NCKAP5: variants seen among roughly 807,000 people sequenced by gnomAD.
The protein encoded by NCKAP5 is NCK associated protein 5.
In NCKAP5, 92 loss-of-function variants were observed where a neutral mutation model predicts 167.0. That is an observed-to-expected ratio of 0.55 (90% CI 0.47 to 0.66). NCKAP5 has a LOEUF of 0.66. Among genes scored for constraint, NCKAP5 ranks in the 30% least tolerant of loss-of-function variants. NCKAP5 has a pLI of 0.00. For missense variants in NCKAP5, 2,378 were observed against 2,315.0 expected, an observed-to-expected ratio of 1.03 and a Z score of -0.56; for synonymous variants, 891 against 877.4, an observed-to-expected ratio of 1.02 and a Z score of -0.27.
At chr2:133,275,918 A>G (rs1382899375) in intron 4 of NCKAP5, among the ~76,000 whole-genome samples, 1 of 152,018 alleles carries the variant, frequency 6.6e-6, no homozygotes, top group African/African-American at 2.4e-5. Context: ...TGAGCTGTGC[A>G]GATCTACTTA....
chr2:133,620,179 G>GA, the NCKAP5 span, among the ~76,000 whole-genome samples: 148,361 of 150,470 alleles, frequency 0.99, 73,177 homozygotes, highest in South Asian at 1. Flanking sequence ...ATAACACAAT[G>GA]AAAAAAAAAG....
chr2:133,205,334 AAGAT>A (rs974214190), intron 5 of NCKAP5, among the ~76,000 whole-genome samples: 5 of 96,204 alleles, frequency 5.2e-5, no homozygotes, highest in South Asian at 3.0e-4. Context: ...CAGATAGATA[AAGAT>A]AGATAGACAG....
intron 5 of NCKAP5, among the ~76,000 whole-genome samples, chr2:133,190,714 C>T (rs1463522672): frequency 6.6e-6 from 1 of 152,090 alleles, no homozygotes; most frequent in African/African-American, 2.4e-5. Flanking sequence ...AACTGGCTAG[C>T]CATATGGAGA....
intron 16 of NCKAP5, among the ~76,000 whole-genome samples, chr2:132,765,520 G>A (rs1314082862): frequency 1.3e-5 from 2 of 151,720 alleles, no homozygotes; most frequent in Admixed American, 6.6e-5. Flanking sequence ...TCATCATGTT[G>A]GCCAGGATGG....
chr2:132,896,423 A>T (rs1693215008), intron 8 of NCKAP5, among the ~76,000 whole-genome samples: 1 of 152,146 alleles, frequency 6.6e-6, no homozygotes, highest in African/African-American at 2.4e-5. Flanking sequence ...AGCTTTTAAA[A>T]TTTCCTCCGT....
At chr2:133,460,541 G>A (rs904293517) in intron 3 of NCKAP5, among the ~76,000 whole-genome samples, 1 of 152,088 alleles carries the variant, frequency 6.6e-6, no homozygotes, top group African/African-American at 2.4e-5. Context: ...ACACTTCTGA[G>A]AATAGAATAA....
rs140004602 is a variant in NCKAP5 at position 132,789,609 on chromosome 2, G to A, written c.1092+414C>T. On this transcript the variant is annotated intron_variant, in intron 13 of 19. Coordinates refer to ENST00000409261, the MANE Select transcript of NCKAP5 (RefSeq NM_207363.3). Reference sequence around the variant, plus strand: ...TTCCTTTTCTCCAACATTAGGGAATGGATAAAACAGCTATTTCAAATATTT... The same window carrying A: ...TTCCTTTTCTCCAACATTAGGGAATAGATAAAACAGCTATTTCAAATATTT... 2.7e-4 allele frequency among the ~76,000 whole-genome samples: 41 copies of A among 152,274 alleles called. 1 individual carries two copies. In the East Asian group the frequency reaches 7.7e-3, roughly 29 times the overall value.
chr2:133,658,281 A>G, the NCKAP5 span, among the ~76,000 whole-genome samples: 542 of 152,260 alleles, frequency 3.6e-3, 6 homozygotes, highest in African/African-American at 0.013. Flanking sequence ...ATCCTCACCA[A>G]TTTGAAAATA....
intron 5 of NCKAP5, among the ~76,000 whole-genome samples, chr2:133,160,446 T>A (rs1366162705): frequency 6.6e-6 from 1 of 150,828 alleles, no homozygotes; most frequent in Non-Finnish European, 1.5e-5. Context: ...TTTCTTTTTT[T>A]TTTTTTTAGC....
chr2:133,171,310 C>T (rs758021831), intron 5 of NCKAP5, among the ~76,000 whole-genome samples: 6 of 152,130 alleles, frequency 3.9e-5, no homozygotes, highest in Non-Finnish European at 2.9e-5. Context: ...AGAAATGTGA[C>T]CCCCAACTGA....
intron 16 of NCKAP5, among the ~76,000 whole-genome samples, chr2:132,757,966 G>T (rs1680687917): frequency 6.6e-6 from 1 of 152,122 alleles, no homozygotes; most frequent in Non-Finnish European, 1.5e-5. Flanking sequence ...CTCATGAAGA[G>T]GCATGAAGAG....
At chr2:133,089,150 A>G (rs1050583281) in intron 6 of NCKAP5, among the ~76,000 whole-genome samples, 12 of 152,198 alleles carry the variant, frequency 7.9e-5, no homozygotes, top group African/African-American at 2.2e-4. Context: ...AGTGATAAAT[A>G]TCATAGAAAA....
intron 8 of NCKAP5, among the ~76,000 whole-genome samples, chr2:132,896,585 G>A (rs1288240996): frequency 1.3e-5 from 2 of 152,110 alleles, no homozygotes; most frequent in African/African-American, 4.8e-5. Flanking sequence ...CTCAGCTCAG[G>A]TGCAATAATA....
chr2:132,723,032 G>A (rs1311057620), intron 19 of NCKAP5, among the ~76,000 whole-genome samples: 7 of 151,748 alleles, frequency 4.6e-5, no homozygotes, highest in Non-Finnish European at 1.5e-5. Context: ...TCACTATGTT[G>A]CCCATGCTGG....
intron 3 of NCKAP5, among the ~76,000 whole-genome samples, chr2:133,397,613 C>T (rs957112741): frequency 6.6e-6 from 1 of 152,156 alleles, no homozygotes. Context: ...GCGGATTAAG[C>T]AATAAAGTGC....
At chr2:133,658,938 A>C in the NCKAP5 span, among the ~76,000 whole-genome samples, 1 of 152,054 alleles carries the variant, frequency 6.6e-6, no homozygotes, top group South Asian at 2.1e-4. Context: ...CTTTTAAAAA[A>C]TAAGAACTAT....
chr2:132,744,112 AATT>A (rs1679439850), intron 16 of NCKAP5, among the ~76,000 whole-genome samples: 1 of 151,770 alleles, frequency 6.6e-6, no homozygotes, highest in South Asian at 2.1e-4. Flanking sequence ...TTCTCTCAGT[AATT>A]AATACAACAA....
At chr2:132,952,515 A>G (rs2076218926) in intron 8 of NCKAP5, among the ~76,000 whole-genome samples, 2 of 152,180 alleles carry the variant, frequency 1.3e-5, no homozygotes, top group South Asian at 4.1e-4. Context: ...GCAGTTGGTC[A>G]TAACTGATAA....
At chr2:132,913,624 T>C (rs75983540) in intron 8 of NCKAP5, among the ~76,000 whole-genome samples, 6,584 of 152,196 alleles carry the variant, frequency 0.043, 248 homozygotes, top group Non-Finnish European at 0.058. Flanking sequence ...AAATGATCAC[T>C]TTGGGAGGTG....
Sources: allele counts gnomAD v4.1 joint callset (sites outside exome capture counted in the v4.1 genomes callset), GRCh38; gene constraint gnomAD v4.1.1; transcripts MANE v1.5; gene names NCBI Gene and HGNC (gene_info 2026-07-23, HGNC 2026-07-21).